Variants in CADM2 observed in about 807,000 individuals in gnomAD.
CADM2 encodes the protein cell adhesion molecule 2.
A neutral mutation model predicts 49.8 loss-of-function variants in CADM2; 12 were observed. The observed-to-expected ratio is 0.24, with a 90% CI of 0.15 to 0.39. CADM2 has a LOEUF of 0.39. Among genes scored for constraint, CADM2 ranks in the 10% least tolerant of loss-of-function variants. The pLI is 1.00. For missense variants in CADM2, 378 were observed against 492.3 expected (o/e 0.77, Z 2.20); for synonymous variants, 214 against 175.4 (o/e 1.22, Z -1.74).
intron 3 of CADM2, among the ~76,000 whole-genome samples, chr3:85,803,482 C>CAGATACATAGATAGATAAAT (rs2072186986): frequency 7.6e-5 from 9 of 118,684 alleles, no homozygotes; most frequent in African/African-American, 3.1e-4. Flanking sequence ...AAGAAACAGA[C>CAGATACATAGATAGATAAAT]AGATAGATAG....
At chr3:85,562,255 G>A (rs1029179852) in intron 1 of CADM2, among the ~76,000 whole-genome samples, 5 of 151,854 alleles carry the variant, frequency 3.3e-5, no homozygotes, top group African/African-American at 9.7e-5. Flanking sequence ...TGAGACAGGC[G>A]GATCACCTGA....
At chr3:85,427,801 A>G (rs2036483752) in intron 1 of CADM2, among the ~76,000 whole-genome samples, 1 of 152,078 alleles carries the variant, frequency 6.6e-6, no homozygotes, top group Non-Finnish European at 1.5e-5. Flanking sequence ...CATGTTTCCT[A>G]CTAATAGTTA....
At chr3:85,275,269 A>AT (rs1468034160) in intron 1 of CADM2, among the ~76,000 whole-genome samples, 1 of 151,542 alleles carries the variant, frequency 6.6e-6, no homozygotes, top group Non-Finnish European at 1.5e-5. Flanking sequence ...ACACTTAAAA[A>AT]TTCCAAATGG....
At chr3:85,163,537 A>T (rs1479420716) in intron 1 of CADM2, among the ~76,000 whole-genome samples, 1 of 151,924 alleles carries the variant, frequency 6.6e-6, no homozygotes, top group African/African-American at 2.4e-5. Flanking sequence ...AACAAAATCG[A>T]CCCTCAGGAT....
chr3:84,981,861 G>A (rs982003338), intron 1 of CADM2, among the ~76,000 whole-genome samples: 2 of 152,168 alleles, frequency 1.3e-5, no homozygotes, highest in African/African-American at 4.8e-5. Context: ...AGTGGGAACT[G>A]TTGCCAAAGT....
At chr3:85,985,947 A>T (rs146912809) in intron 8 of CADM2, among the ~76,000 whole-genome samples, 192 of 152,136 alleles carry the variant, frequency 1.3e-3, no homozygotes, top group African/African-American at 4.2e-3. Flanking sequence ...ACTACGAAAG[A>T]GTTTCATTTA....
chr3:85,860,220 C>T (rs1358952434), intron 3 of CADM2, among the ~76,000 whole-genome samples: 1 of 151,986 alleles, frequency 6.6e-6, no homozygotes, highest in African/African-American at 2.4e-5. Flanking sequence ...AAAAATATTC[C>T]TTGGTTACTT....
At chr3:85,682,325 T>G (rs1416947112) in intron 1 of CADM2, among the ~76,000 whole-genome samples, 1 of 152,080 alleles carries the variant, frequency 6.6e-6, no homozygotes, top group Non-Finnish European at 1.5e-5. Flanking sequence ...ATCTCTAAAT[T>G]ATATGCCTTT....
chr3:86,045,423 T>C lies in CADM2; in HGVS notation c.971-20182T>C, dbSNP rs934947827. On this transcript the variant is annotated intron_variant, in intron 8 of 9. Transcript: ENST00000383699. ...CTCTTTTATAAAGGCAGGCATTACA[T>C]TGGTTCTGTTCCACTTCCCAGGGAC... Among the ~76,000 whole-genome samples the C allele has an allele frequency of 7.2e-5, 11 of 152,232 alleles. No individual in the cohort carries two copies. The South Asian group carries it at 1.9e-3, about 26-fold the overall frequency.
chr3:85,329,302 C>T (rs371387264), intron 1 of CADM2, among the ~76,000 whole-genome samples: 13 of 151,168 alleles, frequency 8.6e-5, no homozygotes, highest in African/African-American at 2.7e-4. Context: ...TTTCGGAGGC[C>T]GAGGGAGGAA....
chr3:85,542,650 T>C (rs1214719574), intron 1 of CADM2, among the ~76,000 whole-genome samples: 1 of 152,132 alleles, frequency 6.6e-6, no homozygotes, highest in Non-Finnish European at 1.5e-5. Context: ...TATATTGACA[T>C]AGCTATTAAA....
chr3:85,433,660 C>A (rs2036791673), intron 1 of CADM2, among the ~76,000 whole-genome samples: 3 of 152,038 alleles, frequency 2.0e-5, no homozygotes, highest in Admixed American at 6.6e-5. Flanking sequence ...TTGCATATTG[C>A]CCCGTAGACC....
chr3:85,449,075 A>ATAATAATAATAATAATAG (rs1400869778), intron 1 of CADM2, among the ~76,000 whole-genome samples: 15 of 148,112 alleles, frequency 1.0e-4, no homozygotes, highest in Non-Finnish European at 1.5e-4. Flanking sequence ...AATAATAATA[A>ATAATAATAATAATAATAG]TGATAAAAAT....
intron 5 of CADM2, among the ~76,000 whole-genome samples, chr3:85,887,321 G>A (rs568913817): frequency 1.2e-4 from 18 of 152,022 alleles, no homozygotes; most frequent in African/African-American, 4.1e-4. Flanking sequence ...GGGCTAAAGT[G>A]ACCCTCCTGC....
intron 8 of CADM2, among the ~76,000 whole-genome samples, chr3:86,010,499 C>A (rs534371384): frequency 6.6e-6 from 1 of 151,088 alleles, no homozygotes; most frequent in Admixed American, 6.6e-5. Flanking sequence ...TTAGGAATAA[C>A]CTCTTGAGAC....
Position 85,333,679 on chromosome 3 carries a change from T to C in CADM2, c.61+374011T>C, listed in dbSNP as rs935857108. 1.3e-5 allele frequency among the ~76,000 whole-genome samples: 2 copies of C among 151,846 alleles called. 1 individual carries two copies. The highest frequency in any genetic ancestry group is 4.1e-4 in the South Asian group (2 of 4,834). ...ATTGCTATTTAAAATAGTTTTCACA[T>C]GGCCTTCCAACATTGGAGACCCAGA... is the stretch of plus-strand genomic sequence containing the variant. On this transcript the variant is annotated intron_variant, in intron 1 of 9. Transcript: ENST00000383699.
chr3:85,979,574 G>T (rs1412416596), intron 8 of CADM2, among the ~76,000 whole-genome samples: 1 of 151,570 alleles, frequency 6.6e-6, no homozygotes, highest in Non-Finnish European at 1.5e-5. Flanking sequence ...ATGGGACACA[G>T]TTTTTGCCTG....
chr3:85,713,481 G>T (rs1477383995), intron 1 of CADM2, among the ~76,000 whole-genome samples: 1 of 152,040 alleles, frequency 6.6e-6, no homozygotes, highest in Middle Eastern at 3.2e-3. Context: ...CAAAGCACTG[G>T]CTTTATCAAT....
At chr3:85,708,881 G>A (rs1372916202) in intron 1 of CADM2, among the ~76,000 whole-genome samples, 1 of 151,824 alleles carries the variant, frequency 6.6e-6, no homozygotes, top group African/African-American at 2.4e-5. Flanking sequence ...TTGTATGTGT[G>A]GGACAGTTCA....
Sources: gnomAD v4.1 joint callset for allele counts (sites outside exome capture counted in the v4.1 genomes callset) on GRCh38, gnomAD v4.1.1 for gene constraint, MANE v1.5 for transcripts, NCBI Gene and HGNC (gene_info 2026-07-23, HGNC 2026-07-21) for gene names.